RANBP17: variants seen among roughly 807,000 people sequenced by gnomAD.
The protein encoded by RANBP17 is RAN binding protein 17.
Under a neutral mutation model 141.2 loss-of-function variants are expected in RANBP17, and 158 were observed. That is an observed-to-expected ratio of 1.12 (90% CI 0.98 to 1.28). The LOEUF (loss-of-function observed/expected upper bound fraction) is 1.28, where lower values mean the gene tolerates loss of function less well. RANBP17 is among the 50% of genes most tolerant of loss of function. The probability of loss-of-function intolerance (pLI) is 0.00; values close to 1 mark genes in which losing one functional copy is unlikely to be tolerated. For synonymous variants in RANBP17, 430 were observed against 450.0 expected, an observed-to-expected ratio of 0.96 and a Z score of 0.56; for missense variants, 1,438 against 1,290.7, an observed-to-expected ratio of 1.11 and a Z score of -1.75.
chr5:170,947,731 G>T (rs1484906104), intron 12 of RANBP17, among the ~76,000 whole-genome samples: 1 of 152,008 alleles, frequency 6.6e-6, no homozygotes, highest in Non-Finnish European at 1.5e-5. Flanking sequence ...ATCTAGTTGG[G>T]CATTTCTCTC....
At chr5:171,287,422 G>A (rs993837165) in intron 25 of RANBP17, among the ~76,000 whole-genome samples, 4 of 151,862 alleles carry the variant, frequency 2.6e-5, no homozygotes, top group African/African-American at 9.7e-5. Flanking sequence ...CCCCGGAGGC[G>A]GAGGTTGCAG....
chr5:171,003,527 C>T (rs767498908), intron 14 of RANBP17, among the ~76,000 whole-genome samples: 1 of 152,048 alleles, frequency 6.6e-6, no homozygotes, highest in African/African-American at 2.4e-5. Flanking sequence ...AGAATTATGC[C>T]GAGGTAGGTA....
chr5:171,121,421 G>A (rs1756022215), intron 14 of RANBP17, among the ~76,000 whole-genome samples: 1 of 152,242 alleles, frequency 6.6e-6, no homozygotes, highest in Non-Finnish European at 1.5e-5. Context: ...CTCAGGACCT[G>A]TTGCAGGCAC....
At chr5:171,170,256 A>T in intron 15 of RANBP17, 53 bp downstream of exon 15, 2 of 924,548 alleles carry the variant, frequency 2.2e-6, no homozygotes, top group South Asian at 3.7e-5. Flanking sequence ...TTTAAATGTA[A>T]TAGATCTTTT....
intron 25 of RANBP17, chr5:171,271,587 A>G (rs1261150669): frequency 4.8e-6 from 1 of 209,496 alleles, no homozygotes; most frequent in Non-Finnish European, 9.7e-6. Flanking sequence ...ATTTCCAGTG[A>G]TCCTTAAATA....
intron 11 of RANBP17, 61 bp downstream of exon 11, chr5:170,919,674 A>G (rs1772269241): frequency 1.5e-6 from 2 of 1,334,334 alleles, no homozygotes; most frequent in Non-Finnish European, 2.0e-6. Flanking sequence ...TTTTTAAGAT[A>G]AAGTTATAAA....
chr5:171,009,153 G>C (rs907178770), intron 14 of RANBP17, among the ~76,000 whole-genome samples: 1 of 152,124 alleles, frequency 6.6e-6, no homozygotes, highest in Non-Finnish European at 1.5e-5. Flanking sequence ...AAATCATTTT[G>C]GCTTTGAAAT....
intron 27 of RANBP17, among the ~76,000 whole-genome samples, chr5:171,297,614 C>T (rs1768897462): frequency 6.6e-6 from 1 of 151,406 alleles, no homozygotes; most frequent in Admixed American, 6.6e-5. Flanking sequence ...CCTCAGAAGC[C>T]AGCAGATGAG....
At chr5:171,277,637 G>GTGTATGTGTATATATATA (rs1437482589) in intron 25 of RANBP17, among the ~76,000 whole-genome samples, 1 of 56,904 alleles carries the variant, frequency 1.8e-5, no homozygotes, top group Non-Finnish European at 3.4e-5. Flanking sequence ...ATATATGTAT[G>GTGTATGTGTATATATATA]TATATATATA....
chr5:170,996,050 T>G (rs992107661), intron 14 of RANBP17, among the ~76,000 whole-genome samples: 1 of 151,984 alleles, frequency 6.6e-6, no homozygotes, highest in African/African-American at 2.4e-5. Context: ...AAAAAAAAGT[T>G]ATTGCTCATC....
chr5:171,290,846 G>A (rs1768450947), intron 25 of RANBP17, among the ~76,000 whole-genome samples: 1 of 152,220 alleles, frequency 6.6e-6, no homozygotes, highest in Non-Finnish European at 1.5e-5. Flanking sequence ...AGCTGCAGTA[G>A]CAGTGAAGGA....
At chr5:171,152,092 A>C (rs1250624759) in intron 14 of RANBP17, among the ~76,000 whole-genome samples, 2 of 152,098 alleles carry the variant, frequency 1.3e-5, no homozygotes, top group Non-Finnish European at 2.9e-5. Flanking sequence ...GAGGAGAAAG[A>C]ACACATGGTA....
intron 14 of RANBP17, among the ~76,000 whole-genome samples, chr5:171,003,376 A>T (rs1779360934): frequency 6.6e-6 from 1 of 152,166 alleles, no homozygotes; most frequent in South Asian, 2.1e-4. Context: ...TGGTTTTGTT[A>T]GGATGGCAAA....
At chr5:171,266,215 A>G (rs1021890409) in intron 25 of RANBP17, among the ~76,000 whole-genome samples, 2 of 152,154 alleles carry the variant, frequency 1.3e-5, no homozygotes, top group Non-Finnish European at 2.9e-5. Flanking sequence ...ATACTCCGGT[A>G]TATTGGGAAA....
chr5:170,962,175 A>G (rs1015102817), intron 13 of RANBP17, among the ~76,000 whole-genome samples: 12 of 152,218 alleles, frequency 7.9e-5, no homozygotes, highest in African/African-American at 2.4e-4. Flanking sequence ...ATAAACATCT[A>G]TATTATGTAA....
intron 20 of RANBP17, chr5:171,208,033 C>T (rs1026747433): frequency 6.6e-5 from 10 of 152,128 alleles, no homozygotes; most frequent in Admixed American, 5.9e-4. Context: ...TATGTCAAAC[C>T]GTCAGTGATG....
At position 170,910,779 on chromosome 5, in the gene RANBP17, T is replaced by C. The variant is rs1477235760; in HGVS notation, c.595-190T>C. On this transcript the variant is annotated intron_variant, in intron 6 of 27. Transcript: ENST00000523189. Reference sequence around the variant, plus strand: ...GATTGCCTTTATTAGCTGAATGTGATTCTTTTATGCATGAAGTTAACCCAG... The same window carrying C: ...GATTGCCTTTATTAGCTGAATGTGACTCTTTTATGCATGAAGTTAACCCAG... The C allele has an allele frequency of 5.5e-6, 3 of 545,314 alleles. No homozygotes were observed. In the Admixed American group the frequency reaches 9.8e-5, roughly 18 times the overall value. 33.8% of individuals were successfully genotyped at this position (545,314 alleles called of 1,614,324 possible). A position where few individuals can be genotyped will look rare whatever the true frequency, so the allele number is the denominator to read the frequency against.
intron 24 of RANBP17, 42 bp downstream of exon 24, chr5:171,242,862 A>T (rs1764977988): frequency 6.3e-7 from 1 of 1,578,496 alleles, no homozygotes; most frequent in Non-Finnish European, 8.7e-7. Flanking sequence ...GAAAAACTTG[A>T]TTATGGGCTT....
chr5:171,163,788 G>A (rs990649760), intron 14 of RANBP17, among the ~76,000 whole-genome samples: 1 of 152,142 alleles, frequency 6.6e-6, no homozygotes, highest in South Asian at 2.1e-4. Context: ...TGTATTACCT[G>A]ATATGTTTTT....
Sources: gnomAD v4.1 joint callset for allele counts (sites outside exome capture counted in the v4.1 genomes callset) on GRCh38, gnomAD v4.1.1 for gene constraint, MANE v1.5 for transcripts, NCBI Gene and HGNC (gene_info 2026-07-23, HGNC 2026-07-21) for gene names.